Variants in S100A4 observed in about 807,000 individuals in gnomAD.
S100A4 encodes the protein S100 calcium binding protein A4.
Under a neutral mutation model 6.3 loss-of-function variants are expected in S100A4, and 4 were observed. The observed-to-expected ratio is 0.64, with a 90% CI of 0.31 to 1.46. The LOEUF is 1.46. S100A4 is among the 40% of genes most tolerant of loss of function. The pLI is 0.07. For missense variants in S100A4, 108 were observed against 120.8 expected (o/e 0.89, Z 0.50); for synonymous variants, 44 against 47.6 (o/e 0.92, Z 0.32).
chr1:153,544,945 TG>T (rs1665513603), intron 1 of S100A4, 136 bp from the exon 2 acceptor site: 2 of 1,079,214 alleles, frequency 1.9e-6, no homozygotes, highest in East Asian at 2.5e-5. Flanking sequence ...CCCAGAGCAG[TG>T]GGCCCCCGCA....
rs377555124 is a variant in S100A4, at chr1:153,544,790, G to T, written c.5C>A (p.Ala2Glu). The T allele has an allele frequency of 1.2e-6, 2 of 1,614,008 alleles. No homozygotes were observed. The highest frequency in any genetic ancestry group is 1.7e-6 in the Non-Finnish European group (2 of 1,179,994). ...ATCCAGGGCCTTCTCCAGAGGGCAC[G>T]CCATGACAGCAGTCAGGATCTGGGA... Reference protein sequence around the residue: MACPLEKALDVM... With the variant: MECPLEKALDVM... Residue 2 changes from alanine to glutamate, a missense_variant, in exon 2 of 3, where the codon GCG becomes GAG. By Grantham distance (107) the Ala-to-Glu change is moderately radical (BLOSUM62 -1). Transcript: ENST00000368716.
intron 1 of S100A4, chr1:153,545,324 G>A: frequency 6.0e-6 from 1 of 165,748 alleles, no homozygotes; most frequent in Non-Finnish European, 1.3e-5. Context: ...TCTCGAGCTG[G>A]GCTGCTGCGT....
chr1:153,543,654 G>T lies in S100A4; in HGVS notation c.*105C>A. 1 of 1,093,726 alleles carries T rather than the reference G, an allele frequency of 9.1e-7. No homozygotes were observed. The highest frequency in any genetic ancestry group is 1.3e-6 in the Non-Finnish European group (1 of 744,242). The allele number at this position is 1,093,726 out of a possible 1,614,324, so 67.8% of individuals were successfully genotyped here. On this transcript the variant is annotated 3_prime_UTR_variant, in exon 3 of 3. Transcript: ENST00000368716. Reference sequence around the variant, plus strand: ...CAAGAATCTTTATTGAACTTGCTCAGCATCAAGCACGTGTCTGAAGGAGCC... The same window carrying T: ...CAAGAATCTTTATTGAACTTGCTCATCATCAAGCACGTGTCTGAAGGAGCC...
Position 153,544,994 on chromosome 1 carries a change from T to C in S100A4, c.-15-185A>G, listed in dbSNP as rs1397256117. 4 of 628,818 alleles carry C rather than the reference T, an allele frequency of 6.4e-6. No individual in the cohort carries two copies. The African/African-American group carries it at 7.4e-5, about 12-fold the overall frequency. 39.0% of individuals were successfully genotyped at this position (628,818 alleles called of 1,614,324 possible). A position where few individuals can be genotyped will look rare whatever the true frequency, so the allele number is the denominator to read the frequency against. On this transcript the variant is annotated intron_variant, in intron 1 of 2. Transcript: ENST00000368716. Reference sequence around the variant, plus strand: ...GGTGTGCACAGTGGGGAACACATGCTCTGGGCAGTGAACATTTGCAAGATC... The same window carrying C: ...GGTGTGCACAGTGGGGAACACATGCCCTGGGCAGTGAACATTTGCAAGATC...
At chr1:153,545,317 C>G (rs752950147) in intron 1 of S100A4, among the ~76,000 whole-genome samples, 3 of 152,220 alleles carry the variant, frequency 2.0e-5, no homozygotes, top group African/African-American at 4.8e-5. Context: ...TGCACCTTCT[C>G]GAGCTGGGCT....
intron 1 of S100A4, chr1:153,545,462 A>G (rs1211754597): frequency 2.0e-5 from 3 of 153,440 alleles, no homozygotes; most frequent in Non-Finnish European, 4.4e-5. Context: ...CCACAGGCAC[A>G]TACATACCAA....
intron 2 of S100A4, 147 bp from the exon 3 acceptor site, chr1:153,544,070 G>A (rs547968224): frequency 8.4e-5 from 63 of 749,072 alleles, no homozygotes; most frequent in Admixed American, 8.1e-4. Context: ...CTAAGCTAGG[G>A]TGGAGAAGGT....
intron 2 of S100A4, among the ~76,000 whole-genome samples, chr1:153,544,171 T>G (rs1312525878): frequency 6.6e-6 from 1 of 152,168 alleles, no homozygotes; most frequent in Non-Finnish European, 1.5e-5. Context: ...AATAATCCCA[T>G]GAGGTAGTAA....
intron 2 of S100A4, 106 bp downstream of exon 2, chr1:153,544,548 C>G: frequency 6.8e-7 from 1 of 1,463,092 alleles, no homozygotes; most frequent in Non-Finnish European, 9.4e-7. Flanking sequence ...CAGGCAGCCA[C>G]CCCACTGATA....
At chr1:153,544,257 G>A (rs79399329) in intron 2 of S100A4, among the ~76,000 whole-genome samples, 17,489 of 152,250 alleles carry the variant, frequency 0.11, 1,680 homozygotes, top group African/African-American at 0.27. Context: ...GGGAACGTCT[G>A]CAGGCCTGTG....
At chr1:153,543,990 T>A in intron 2 of S100A4, 67 bp from the exon 3 acceptor site, 1 of 1,567,164 alleles carries the variant, frequency 6.4e-7, no homozygotes, top group Non-Finnish European at 8.7e-7. Flanking sequence ...CCAGACCCAG[T>A]TTCTACTCCC....
At chr1:153,544,531 T>C in intron 2 of S100A4, 123 bp downstream of exon 2, 1 of 1,306,400 alleles carries the variant, frequency 7.7e-7, no homozygotes, top group Non-Finnish European at 1.1e-6. Context: ...TCAATGTGTT[T>C]CCACCCCAGG....
At position 153,543,792 on chromosome 1, in the gene S100A4, T is replaced by C. The variant is rs559925265; in HGVS notation, c.273A>G (p.Glu91=). Residue 91 remains glutamate (E), a synonymous_variant, in exon 3 of 3, where the codon GAA becomes GAG. Coordinates refer to ENST00000368716, the MANE Select transcript of S100A4 (RefSeq NM_002961.3). ...CIAMMCNEFF[E]GFPDKQPRKK is the part of the protein sequence containing the mutation. ...TCCTGGGCTGCTTATCTGGGAAGCC[T>C]TCAAAGAATTCGTTACACATCATGG... 3 of 1,614,098 alleles carry C rather than the reference T, an allele frequency of 1.9e-6. No homozygotes were observed. The highest frequency in any genetic ancestry group is 2.2e-5 in the South Asian group (2 of 91,084).
rs142743851 is a variant in S100A4 at position 153,545,021 on chromosome 1, G to T, written c.-15-212C>A. The T allele has an allele frequency of 1.3e-5, 7 of 530,116 alleles. 1 individual carries two copies. Among genetic ancestry groups the T allele is most frequent in the Admixed American group, 3.2e-5 (1 of 31,328 alleles). The allele number at this position is 530,116 out of a possible 1,614,324, so 32.8% of individuals were successfully genotyped here. A position where few individuals can be genotyped will look rare whatever the true frequency, so the allele number is the denominator to read the frequency against. On this transcript the variant is annotated intron_variant, in intron 1 of 2. Coordinates refer to ENST00000368716, the MANE Select transcript of S100A4 (RefSeq NM_002961.3). ...TGGGCAGTGAACATTTGCAAGATCCGCTGCGCAAGCTCTGGAGATTCGGGC... is the reference window on the plus strand; with the variant it reads ...TGGGCAGTGAACATTTGCAAGATCCTCTGCGCAAGCTCTGGAGATTCGGGC...
At chr1:153,544,969 G>A in intron 1 of S100A4, 160 bp from the exon 2 acceptor site, 1 of 778,220 alleles carries the variant, frequency 1.3e-6, no homozygotes, top group Non-Finnish European at 2.0e-6. Flanking sequence ...TGGCTGGGAG[G>A]GTGTGCACAG....
At chr1:153,544,422 G>C (rs1270484312) in intron 2 of S100A4, among the ~76,000 whole-genome samples, 1 of 152,208 alleles carries the variant, frequency 6.6e-6, no homozygotes, top group African/African-American at 2.4e-5. Context: ...TCTGAGCTTA[G>C]TCTTCCCTTC....
chr1:153,543,645 AC>A lies in S100A4; in HGVS notation c.*113del. The stretch of plus-strand genomic sequence containing the variant: ...CAAAACTTCCAAGAATCTTTATTGA[AC>A]TTGCTCAGCATCAAGCACGTGTCTG... On this transcript the variant is annotated 3_prime_UTR_variant, in exon 3 of 3. Coordinates refer to ENST00000368716, the MANE Select transcript of S100A4 (RefSeq NM_002961.3). 1 of 1,032,334 alleles carries A rather than the reference AC, an allele frequency of 9.7e-7. No individual in the cohort carries two copies. The highest frequency in any genetic ancestry group is 1.6e-5 in the South Asian group (1 of 64,356). 63.9% of individuals were successfully genotyped at this position (1,032,334 alleles called of 1,614,324 possible).
At chr1:153,544,921 CCT>C in intron 1 of S100A4, 112 bp from the exon 2 acceptor site, 1 of 1,401,950 alleles carries the variant, frequency 7.1e-7, no homozygotes, top group Non-Finnish European at 9.7e-7. Flanking sequence ...GACTCTGCTC[CCT>C]CCCTGGGGGA....
At position 153,543,682 on chromosome 1, in the gene S100A4, G is replaced by A. The variant is rs1028448467; in HGVS notation, c.*77C>T. The A allele has an allele frequency of 7.8e-6, 11 of 1,407,642 alleles. No individual in the cohort carries two copies. Among genetic ancestry groups the A allele is most frequent in the Non-Finnish European group, 8.9e-6 (9 of 1,015,770 alleles). 87.2% of individuals were successfully genotyped at this position (1,407,642 alleles called of 1,614,324 possible). A position where few individuals can be genotyped will look rare whatever the true frequency, so the allele number is the denominator to read the frequency against. ...TCAAGCACGTGTCTGAAGGAGCCAG[G>A]GTGGAAAAAAAAAAGTGCCCACTGG... is the stretch of plus-strand genomic sequence containing the variant. On this transcript the variant is annotated 3_prime_UTR_variant, in exon 3 of 3. Transcript: ENST00000368716.
Sources: allele counts gnomAD v4.1 joint callset (sites outside exome capture counted in the v4.1 genomes callset), GRCh38; gene constraint gnomAD v4.1.1; transcripts MANE v1.5; gene names NCBI Gene and HGNC (gene_info 2026-07-23, HGNC 2026-07-21).